Variants in POLR2B observed in about 807,000 individuals in gnomAD.
The protein encoded by POLR2B is RNA polymerase II subunit B.
A neutral mutation model predicts 144.6 loss-of-function variants in POLR2B; 57 were observed. The ratio of observed to expected loss-of-function variants is 0.39; its 90% CI spans 0.32 to 0.49. The LOEUF (loss-of-function observed/expected upper bound fraction) is 0.49, where lower values mean the gene tolerates loss of function less well. POLR2B is among the 20% of genes least tolerant of loss of function. POLR2B has a pLI of 0.83. For synonymous variants in POLR2B, 442 were observed against 469.8 expected (o/e 0.94, Z 0.77); for missense variants, 595 against 1,467.4 (o/e 0.41, Z 9.71).
At chr4:56,986,228 A>T (rs1230732879) in intron 1 of POLR2B, 126 bp from the exon 2 acceptor site, 4 of 758,000 alleles carry the variant, frequency 5.3e-6, no homozygotes, top group Non-Finnish European at 7.3e-6. Context: ...ATTTTAGAAA[A>T]GTGGGGTGAA....
chr4:56,982,043 TCTC>T (rs1560469076), intron 1 of POLR2B, among the ~76,000 whole-genome samples: 1 of 152,232 alleles, frequency 6.6e-6, no homozygotes. Flanking sequence ...CTGTTCACAT[TCTC>T]CTTGGGTGAT....
chr4:57,020,480 G>T (rs74674042), intron 16 of POLR2B, among the ~76,000 whole-genome samples: 7 of 152,164 alleles, frequency 4.6e-5, no homozygotes, highest in Non-Finnish European at 7.4e-5. Context: ...CTAAAAGCTG[G>T]GGCTTGAGTC....
chr4:57,019,289 T>C (rs1723464626), intron 16 of POLR2B, among the ~76,000 whole-genome samples: 1 of 152,200 alleles, frequency 6.6e-6, no homozygotes, highest in African/African-American at 2.4e-5. Context: ...GTTCCTTTGG[T>C]ACTGGTGTGA....
At chr4:56,999,406 G>A (rs56182208) in intron 6 of POLR2B, among the ~76,000 whole-genome samples, 9,854 of 151,728 alleles carry the variant, frequency 0.065, 553 homozygotes, top group East Asian at 0.21. Context: ...AGTTGTCTCA[G>A]GTCTAAGTGA....
chr4:56,981,369 A>T (rs1480890362), intron 1 of POLR2B, among the ~76,000 whole-genome samples: 9 of 152,140 alleles, frequency 5.9e-5, no homozygotes, highest in African/African-American at 2.2e-4. Context: ...ACAGTGCTGT[A>T]AATGAATAAT....
intron 6 of POLR2B, among the ~76,000 whole-genome samples, chr4:56,997,581 G>A (rs1380788713): frequency 6.6e-6 from 1 of 152,190 alleles, no homozygotes. Context: ...GATGGGACTT[G>A]ACTTACACTT....
At position 57,031,135 on chromosome 4, in the gene POLR2B, T is replaced by G. The variant is rs1723908679; in HGVS notation, c.*147T>G. 1.4e-6 allele frequency: 1 copy of G among 710,742 alleles called. No homozygotes were observed. The highest frequency in any genetic ancestry group is 2.4e-6 in the Non-Finnish European group (1 of 412,884). 44.0% of individuals were successfully genotyped at this position (710,742 alleles called of 1,614,324 possible). A position where few individuals can be genotyped will look rare whatever the true frequency, so the allele number is the denominator to read the frequency against. ...TATGCATGCTTTTCTTCTGTAAATATATAATAAATTTTTGTAGATAGTCTT... is the reference window on the plus strand; with the variant it reads ...TATGCATGCTTTTCTTCTGTAAATAGATAATAAATTTTTGTAGATAGTCTT... On this transcript the variant is annotated 3_prime_UTR_variant, in exon 25 of 25. Coordinates refer to ENST00000314595, the MANE Select transcript of POLR2B (RefSeq NM_000938.3).
At chr4:56,980,017 C>T (rs1190873373) in intron 1 of POLR2B, among the ~76,000 whole-genome samples, 2 of 152,100 alleles carry the variant, frequency 1.3e-5, no homozygotes, top group Non-Finnish European at 2.9e-5. Context: ...TTGGCCACCC[C>T]CTACATCTCC....
At chr4:57,013,264 A>G (rs980154178) in intron 13 of POLR2B, among the ~76,000 whole-genome samples, 3 of 151,850 alleles carry the variant, frequency 2.0e-5, no homozygotes, top group African/African-American at 7.3e-5. Context: ...GGTGTGAGCC[A>G]CTGAGCCCAG....
intron 2 of POLR2B, among the ~76,000 whole-genome samples, chr4:56,989,383 C>T (rs1480959866): frequency 6.6e-6 from 1 of 152,204 alleles, no homozygotes; most frequent in Admixed American, 6.5e-5. Flanking sequence ...ACAGTCTCTA[C>T]TGAAATAAAT....
intron 1 of POLR2B, among the ~76,000 whole-genome samples, chr4:56,980,674 C>T (rs1722130168): frequency 1.3e-5 from 2 of 152,144 alleles, no homozygotes; most frequent in Admixed American, 6.5e-5. Context: ...GAGCTGAGAA[C>T]AAAGTGAGAC....
intron 6 of POLR2B, among the ~76,000 whole-genome samples, chr4:56,997,162 AAC>A (rs1722716359): frequency 6.6e-6 from 1 of 152,202 alleles, no homozygotes; most frequent in Non-Finnish European, 1.5e-5. Flanking sequence ...AAATGGTAGT[AAC>A]ACAGTGCAGA....
intron 13 of POLR2B, among the ~76,000 whole-genome samples, chr4:57,011,762 G>A (rs1270654075): frequency 6.6e-6 from 1 of 151,946 alleles, no homozygotes; most frequent in East Asian, 1.9e-4. Context: ...GGCGGAGGTT[G>A]CAGTGAGCCA....
intron 16 of POLR2B, among the ~76,000 whole-genome samples, chr4:57,018,925 T>TA (rs1723453182): frequency 6.6e-6 from 1 of 152,152 alleles, no homozygotes; most frequent in African/African-American, 2.4e-5. Context: ...TGTTGACTAT[T>TA]AAAGGAGACA....
intron 13 of POLR2B, among the ~76,000 whole-genome samples, chr4:57,013,810 G>GTGGGTGAGGTAGAGTGGT (rs1723277915): frequency 6.6e-6 from 1 of 152,116 alleles, no homozygotes; most frequent in South Asian, 2.1e-4. Flanking sequence ...AAAACAGCTG[G>GTGGGTGAGGTAGAGTGGT]TGGGTGAGGT....
In POLR2B at chr4:57,010,617, G is replaced by A. The variant is rs978496492; in HGVS notation, c.1548+113G>A. The stretch of plus-strand genomic sequence containing the variant: ...ATTATGCAGAGTGGTTTAGAAATAA[G>A]TTTTTTTTATAATTGTATTCTTAGA... On this transcript the variant is annotated intron_variant, in intron 11 of 24. Coordinates refer to ENST00000314595, the MANE Select transcript of POLR2B (RefSeq NM_000938.3). 3.8e-5 allele frequency: 51 copies of A among 1,355,342 alleles called. No individual in the cohort carries two copies. The African/African-American group carries it at 6.2e-4, about 16-fold the overall frequency. 84.0% of individuals were successfully genotyped at this position (1,355,342 alleles called of 1,614,324 possible). A position where few individuals can be genotyped will look rare whatever the true frequency, so the allele number is the denominator to read the frequency against.
At chr4:56,982,477 T>C (rs1010760160) in intron 1 of POLR2B, among the ~76,000 whole-genome samples, 3 of 151,924 alleles carry the variant, frequency 2.0e-5, no homozygotes, top group Non-Finnish European at 2.9e-5. Context: ...GATACTGAGG[T>C]GGGAGGACTG....
intron 7 of POLR2B, among the ~76,000 whole-genome samples, chr4:57,002,426 C>G (rs577105086): frequency 6.6e-6 from 1 of 152,262 alleles, no homozygotes; most frequent in Non-Finnish European, 1.5e-5. Flanking sequence ...ACTTAGGAAG[C>G]TTAAGCCAAT....
intron 23 of POLR2B, among the ~76,000 whole-genome samples, chr4:57,027,091 C>A (rs1290031860): frequency 6.6e-6 from 1 of 152,118 alleles, no homozygotes; most frequent in Non-Finnish European, 1.5e-5. Context: ...TCACGGCAAC[C>A]TCCGCCTCCC....
Sources: gnomAD v4.1 joint callset for allele counts (sites outside exome capture counted in the v4.1 genomes callset) on GRCh38, gnomAD v4.1.1 for gene constraint, MANE v1.5 for transcripts, NCBI Gene and HGNC (gene_info 2026-07-23, HGNC 2026-07-21) for gene names.